TG: variants seen among roughly 807,000 people sequenced by gnomAD.
TG encodes thyroid hormones.
In TG, 270 loss-of-function variants were observed where a neutral mutation model predicts 324.7. The observed-to-expected ratio is 0.83, with a 90% CI of 0.75 to 0.92. TG has a LOEUF of 0.92. Among genes scored for constraint, TG ranks in the 40% least tolerant of loss-of-function variants. TG has a pLI of 0.00. For synonymous variants in TG, 1,401 were observed against 1,327.0 expected, an observed-to-expected ratio of 1.06 and a Z score of -1.21; for missense variants, 3,591 against 3,456.4, an observed-to-expected ratio of 1.04 and a Z score of -0.98.
intron 31 of TG, 117 bp from the exon 32 acceptor site, chr8:132,969,341 A>G (rs565841260): frequency 3.9e-6 from 3 of 768,706 alleles, no homozygotes; most frequent in South Asian, 3.0e-5. Flanking sequence ...TTTAATATGA[A>G]TTTAATATGT....
chr8:133,056,399 G>T (rs983303979), intron 41 of TG, among the ~76,000 whole-genome samples: 1 of 152,154 alleles, frequency 6.6e-6, no homozygotes, highest in African/African-American at 2.4e-5. Flanking sequence ...CCCCTTGCTA[G>T]GGCACTTGAT....
At chr8:132,902,837 C>T (rs981180877) in intron 16 of TG, among the ~76,000 whole-genome samples, 2 of 152,192 alleles carry the variant, frequency 1.3e-5, no homozygotes, top group Non-Finnish European at 2.9e-5. Context: ...CTGTATGTGG[C>T]TTGGCCATGT....
intron 41 of TG, chr8:133,047,990 C>T: frequency 9.8e-7 from 1 of 1,024,660 alleles, no homozygotes; most frequent in South Asian, 1.3e-5. Context: ...CCAGGAAAGG[C>T]AGGAATGCGC....
At chr8:132,918,695 A>G (rs957930542) in intron 20 of TG, among the ~76,000 whole-genome samples, 1 of 152,092 alleles carries the variant, frequency 6.6e-6, no homozygotes, top group Non-Finnish European at 1.5e-5. Context: ...CACCTCTGAC[A>G]CCTCACTGCT....
chr8:133,087,210 C>T (rs1190549868), intron 41 of TG, among the ~76,000 whole-genome samples: 2 of 151,792 alleles, frequency 1.3e-5, no homozygotes, highest in Non-Finnish European at 2.9e-5. Flanking sequence ...TTCTTTGTTT[C>T]GTTCACTTGT....
chr8:132,941,586 G>A (rs1035210827), intron 26 of TG, 44 bp downstream of exon 26: 1 of 1,611,414 alleles, frequency 6.2e-7, no homozygotes, highest in Non-Finnish European at 8.5e-7. Flanking sequence ...GGGATGGGGA[G>A]CACACAGGGA....
chr8:133,101,113 A>G (rs532333732), intron 43 of TG, among the ~76,000 whole-genome samples: 1 of 151,996 alleles, frequency 6.6e-6, no homozygotes, highest in Non-Finnish European at 1.5e-5. Context: ...GGCTCTACCC[A>G]TTACCCTATC....
chr8:133,096,684 T>A (rs965496993), intron 43 of TG, among the ~76,000 whole-genome samples: 1 of 152,170 alleles, frequency 6.6e-6, no homozygotes, highest in Non-Finnish European at 1.5e-5. Flanking sequence ...CCACCCATAT[T>A]TCATGGAGGA....
At chr8:132,872,709 T>C (rs1294027933) in intron 4 of TG, among the ~76,000 whole-genome samples, 1 of 152,136 alleles carries the variant, frequency 6.6e-6, no homozygotes, top group Non-Finnish European at 1.5e-5. Context: ...TGTACTATTC[T>C]TTATCTTTTA....
At position 133,013,659 on chromosome 8, in the gene TG, A is replaced by T. The variant is rs1489025369; in HGVS notation, c.6457A>T (p.Arg2153Ter). 5.0e-6 allele frequency: 8 copies of T among 1,614,192 alleles called. No homozygotes were observed. Among genetic ancestry groups the T allele is most frequent in the Non-Finnish European group, 6.8e-6 (8 of 1,180,034 alleles). The change falls in exon 37 of 48, where the codon AGA becomes TGA. Residue 2153 changes from arginine to a stop codon, truncating the protein, a stop_gained. Transcript: ENST00000220616. LOFTEE classifies it high-confidence loss of function. ...TCTGCAAACCCAACCTGGGGCTGTG[A>T]GATGTATGTTCTATGCTGATACTCA... is the stretch of plus-strand genomic sequence containing the variant. Reference protein sequence around the residue: ...TTLQTQPGAVRCMFYADTQSC... With the variant: ...TTLQTQPGAV
chr8:133,124,906 G>A (rs1467472031), intron 45 of TG, among the ~76,000 whole-genome samples: 1 of 152,184 alleles, frequency 6.6e-6, no homozygotes, highest in Admixed American at 6.5e-5. Flanking sequence ...GACTGTCTTG[G>A]TGAGTTTGTT....
intron 2 of TG, among the ~76,000 whole-genome samples, 191 bp from the exon 3 acceptor site, chr8:132,869,538 C>T (rs1839281066): frequency 6.6e-6 from 1 of 152,184 alleles, no homozygotes; most frequent in Non-Finnish European, 1.5e-5. Flanking sequence ...AGAGCAGGTG[C>T]TAGCCAGGCA....
intron 41 of TG, among the ~76,000 whole-genome samples, chr8:133,082,334 G>T (rs577628971): frequency 6.6e-6 from 1 of 152,318 alleles, no homozygotes; most frequent in Non-Finnish European, 1.5e-5. Context: ...AACTAGCAAA[G>T]GTCCACTGGA....
At chr8:132,888,596 T>TA (rs60229996) in intron 10 of TG, 28 bp downstream of exon 10, 1 of 911,952 alleles carries the variant, frequency 1.1e-6, no homozygotes, top group South Asian at 2.0e-5. Context: ...AAGAGTTAAA[T>TA]GTGTGTGTGT....
chr8:132,966,461 TC>T, intron 29 of TG, 98 bp from the exon 30 acceptor site: 1 of 1,371,772 alleles, frequency 7.3e-7, no homozygotes. Flanking sequence ...TCTCTGTCTC[TC>T]TCTCTGTGTG....
chr8:133,013,891 C>T, intron 37 of TG, 127 bp downstream of exon 37: 1 of 1,125,956 alleles, frequency 8.9e-7, no homozygotes, highest in Non-Finnish European at 1.3e-6. Context: ...AGGTGGCACT[C>T]ACTTGAGGTA....
chr8:133,013,711 A>G lies in TG; in HGVS notation c.6509A>G (p.Gln2170Arg), dbSNP rs2069565. The G allele has an allele frequency of 6.2e-7, 1 of 1,613,888 alleles. No individual in the cohort carries two copies. The highest frequency in any genetic ancestry group is 8.5e-7 in the Non-Finnish European group (1 of 1,180,040). The stretch of plus-strand genomic sequence containing the variant: ...AGCTGCACACATAGTCTGCAGGGTC[A>G]GAACTGCCGACTTCTGCTTCGTGAA... ...TQSCTHSLQG[Q>R]NCRLLLREEA... The change falls in exon 37 of 48, where the codon CAG (glutamine) becomes CGG (arginine). Residue 2170 changes from glutamine (Q) to arginine (R), a missense_variant. Transcript: ENST00000220616.
chr8:133,126,142 C>T (rs1851499825), intron 45 of TG, among the ~76,000 whole-genome samples: 1 of 152,278 alleles, frequency 6.6e-6, no homozygotes, highest in Middle Eastern at 3.4e-3. Flanking sequence ...ATCTGCATCA[C>T]CTGGCCATTC....
In TG at chr8:133,079,114, T is replaced by C. The variant is rs1449427516; in HGVS notation, c.7240-15930T>C. Among the ~76,000 whole-genome samples, 3 of 151,966 alleles carry C rather than the reference T, an allele frequency of 2.0e-5. No homozygotes were observed. In the East Asian group the frequency reaches 5.8e-4, roughly 29 times the overall value. The stretch of plus-strand genomic sequence containing the variant: ...CACAAGAAGCAAAGACAAAAACACA[T>C]AGCAGGTGATGCCCCCACCAAGGAC... On this transcript the variant is annotated intron_variant, in intron 41 of 47. Coordinates refer to ENST00000220616, the MANE Select transcript of TG (RefSeq NM_003235.5).
Sources: allele counts gnomAD v4.1 joint callset (sites outside exome capture counted in the v4.1 genomes callset), GRCh38; gene constraint gnomAD v4.1.1; transcripts MANE v1.5; gene names NCBI Gene and HGNC (gene_info 2026-07-23, HGNC 2026-07-21).